Variants in SNX29 observed in about 807,000 individuals in gnomAD.
SNX29 encodes sorting nexin 29.
In SNX29, 78 loss-of-function variants were observed where a neutral mutation model predicts 102.1. The ratio of observed to expected loss-of-function variants is 0.76; its 90% CI spans 0.64 to 0.92. The LOEUF is 0.92. Among genes scored for constraint, SNX29 ranks in the 40% least tolerant of loss-of-function variants. The pLI is 0.00. For synonymous variants in SNX29, 580 were observed against 414.5 expected (o/e 1.40, Z -4.85); for missense variants, 1,280 against 1,061.7 (o/e 1.21, Z -2.86).
At chr16:12,013,907 C>T (rs1019755151) in intron 3 of SNX29, among the ~76,000 whole-genome samples, 4 of 151,726 alleles carry the variant, frequency 2.6e-5, no homozygotes, top group African/African-American at 9.7e-5. Context: ...CGCTTCGGCC[C>T]CCCAAAGTGC....
At chr16:12,541,297 G>A (rs1237721297) in intron 20 of SNX29, among the ~76,000 whole-genome samples, 2 of 152,138 alleles carry the variant, frequency 1.3e-5, no homozygotes, top group Admixed American at 1.3e-4. Flanking sequence ...ACTAACAGTG[G>A]GGATGGTCAG....
At chr16:12,520,594 A>C (rs2090060316) in intron 19 of SNX29, among the ~76,000 whole-genome samples, 1 of 152,186 alleles carries the variant, frequency 6.6e-6, no homozygotes, top group Admixed American at 6.5e-5. Context: ...TGGTTTATAT[A>C]CACCATGGAA....
chr16:12,228,656 C>T (rs1194333737), intron 14 of SNX29, among the ~76,000 whole-genome samples: 3 of 152,234 alleles, frequency 2.0e-5, no homozygotes, highest in Admixed American at 6.5e-5. Flanking sequence ...CCTTTTCAAC[C>T]CTGTCTGGTG....
chr16:12,162,748 C>T (rs1284979773), intron 13 of SNX29, among the ~76,000 whole-genome samples: 5 of 152,146 alleles, frequency 3.3e-5, no homozygotes, highest in Middle Eastern at 3.2e-3. Flanking sequence ...GGGCCTGGCT[C>T]GTAGGAGGTG....
At chr16:12,553,926 C>A (rs140416332) in intron 20 of SNX29, among the ~76,000 whole-genome samples, 2,328 of 152,264 alleles carry the variant, frequency 0.015, 55 homozygotes, top group African/African-American at 0.052. Context: ...CTCCTGGGTT[C>A]AAGCAATTCT....
At chr16:12,561,251 C>G (rs138907676) in intron 20 of SNX29, 2 of 230,122 alleles carry the variant, frequency 8.7e-6, no homozygotes, top group Admixed American at 1.1e-4. Flanking sequence ...CACTCCCTCC[C>G]ACTCCACAGA....
chr16:12,346,571 C>T (rs1471827169), intron 15 of SNX29, among the ~76,000 whole-genome samples: 1 of 152,184 alleles, frequency 6.6e-6, no homozygotes. Context: ...TCCCGTACTG[C>T]TCTCACAGGA....
chr16:12,187,846 C>T (rs1169741780), intron 13 of SNX29, among the ~76,000 whole-genome samples: 1 of 152,098 alleles, frequency 6.6e-6, no homozygotes, highest in Non-Finnish European at 1.5e-5. Flanking sequence ...CCATGAGAGG[C>T]TCCCTCACCT....
intron 20 of SNX29, among the ~76,000 whole-genome samples, chr16:12,550,221 C>G (rs989421890): frequency 3.3e-5 from 5 of 152,198 alleles, no homozygotes; most frequent in Non-Finnish European, 7.3e-5. Flanking sequence ...GAGTACCACA[C>G]AATACCTTTC....
chr16:12,485,264 G>C (rs1320164559), intron 19 of SNX29, among the ~76,000 whole-genome samples: 1 of 152,126 alleles, frequency 6.6e-6, no homozygotes, highest in Non-Finnish European at 1.5e-5. Flanking sequence ...TGTCCAAATG[G>C]GCTTTAGCAG....
intron 18 of SNX29, among the ~76,000 whole-genome samples, chr16:12,472,769 T>C (rs1022548611): frequency 3.3e-5 from 5 of 152,130 alleles, no homozygotes; most frequent in African/African-American, 1.2e-4. Flanking sequence ...TTTTCTCCCC[T>C]TAACCTTCCT....
At chr16:12,399,216 A>G (rs1189315022) in intron 17 of SNX29, among the ~76,000 whole-genome samples, 2 of 151,944 alleles carry the variant, frequency 1.3e-5, no homozygotes, top group East Asian at 3.9e-4. Context: ...ACGCCTGGCT[A>G]ATTTTTATAT....
At chr16:12,173,980 A>G (rs59999009) in intron 13 of SNX29, among the ~76,000 whole-genome samples, 3,037 of 152,256 alleles carry the variant, frequency 0.02, 105 homozygotes, top group African/African-American at 0.069. Flanking sequence ...GGGTTTCACC[A>G]TACTGGCCAG....
At chr16:12,510,339 TGAGA>T (rs928558912) in intron 19 of SNX29, among the ~76,000 whole-genome samples, 4 of 152,090 alleles carry the variant, frequency 2.6e-5, no homozygotes, top group East Asian at 1.9e-4. Flanking sequence ...TGGCAGCAGA[TGAGA>T]GAGAGTCAGG....
rs552422070 is a variant in SNX29 at position 12,515,652 on chromosome 16, C to G, written c.2179-9050C>G. 1.2e-5 allele frequency: 6 copies of G among 483,124 alleles called. No individual in the cohort carries two copies. The Admixed American group carries it at 1.4e-4, about 11-fold the overall frequency. 29.9% of individuals were successfully genotyped at this position (483,124 alleles called of 1,614,324 possible). A position where few individuals can be genotyped will look rare whatever the true frequency, so the allele number is the denominator to read the frequency against. On this transcript the variant is annotated intron_variant, in intron 19 of 20. Coordinates refer to ENST00000566228, the MANE Select transcript of SNX29 (RefSeq NM_032167.5). ...CCTGTCCTAGCCACCCAAGCCAAGT[C>G]CATCTCTGTGCCAGCACTCTTTATG...
intron 20 of SNX29, among the ~76,000 whole-genome samples, chr16:12,539,377 T>C (rs560764681): frequency 3.5e-4 from 54 of 152,268 alleles, no homozygotes; most frequent in African/African-American, 1.2e-3. Context: ...CTCTTGAGGC[T>C]GGCGTCTTTC....
At chr16:12,206,252 C>T (rs2077041283) in intron 14 of SNX29, among the ~76,000 whole-genome samples, 1 of 152,102 alleles carries the variant, frequency 6.6e-6, no homozygotes, top group African/African-American at 2.4e-5. Context: ...GAGTATCTGC[C>T]TTCAGGGATG....
In SNX29 at chr16:12,540,295, C is replaced by T. The variant is rs76856542; in HGVS notation, c.2318+15454C>T. ...AGGGAGGACAGGACTAGAGGCATTA[C>T]GGGGTGGCCCCACCCTCTTGGGACC... On this transcript the variant is annotated intron_variant, in intron 20 of 20. Coordinates refer to ENST00000566228, the MANE Select transcript of SNX29 (RefSeq NM_032167.5). Among the ~76,000 whole-genome samples the T allele has an allele frequency of 1.0e-3, 159 of 152,218 alleles. 1 individual carries two copies. In the East Asian group the frequency reaches 0.024, roughly 23 times the overall value.
intron 3 of SNX29, among the ~76,000 whole-genome samples, chr16:12,021,316 C>T (rs1334226183): frequency 6.6e-6 from 1 of 151,798 alleles, no homozygotes; most frequent in Non-Finnish European, 1.5e-5. Context: ...ATCCCAGCTC[C>T]TTGGGAGGCT....
Sources: allele counts gnomAD v4.1 joint callset (sites outside exome capture counted in the v4.1 genomes callset), GRCh38; gene constraint gnomAD v4.1.1; transcripts MANE v1.5; gene names NCBI Gene and HGNC (gene_info 2026-07-23, HGNC 2026-07-21).